DTNBP1: variants seen among roughly 807,000 people sequenced by gnomAD.
DTNBP1 encodes dysbindin.
DTNBP1 carries 35 observed loss-of-function variants against 42.8 expected under a neutral mutation model. That is an observed-to-expected ratio of 0.82 (90% CI 0.63 to 1.09). The LOEUF (loss-of-function observed/expected upper bound fraction) is 1.09. DTNBP1 is among the 50% of genes least tolerant of loss of function. DTNBP1 has a pLI of 0.00. For synonymous variants in DTNBP1, 171 were observed against 162.2 expected (o/e 1.05, Z -0.41); for missense variants, 457 against 424.2 (o/e 1.08, Z -0.68).
chr6:15,564,850 C>T (rs1346335690), intron 7 of DTNBP1, among the ~76,000 whole-genome samples: 1 of 152,218 alleles, frequency 6.6e-6, no homozygotes, highest in African/African-American at 2.4e-5. Flanking sequence ...CAAAGTGGCT[C>T]ATGCCTGTAA....
intron 7 of DTNBP1, among the ~76,000 whole-genome samples, chr6:15,535,890 G>A (rs1265772151): frequency 6.6e-6 from 1 of 152,186 alleles, no homozygotes; most frequent in South Asian, 2.1e-4. Flanking sequence ...AGATGGAGAT[G>A]AGGAACTTAT....
chr6:15,593,179 T>C, intron 6 of DTNBP1, 98 bp from the exon 7 acceptor site: 1 of 1,106,454 alleles, frequency 9.0e-7, no homozygotes, highest in Non-Finnish European at 1.3e-6. Flanking sequence ...GTACTTTAAA[T>C]GCCCACAGTG....
intron 7 of DTNBP1, among the ~76,000 whole-genome samples, chr6:15,577,858 G>C (rs929103959): frequency 6.6e-6 from 1 of 152,210 alleles, no homozygotes; most frequent in African/African-American, 2.4e-5. Flanking sequence ...GGAAGGTAAA[G>C]AGCTTGGACT....
At chr6:15,525,553 A>G (rs185233663) in intron 8 of DTNBP1, among the ~76,000 whole-genome samples, 13 of 152,362 alleles carry the variant, frequency 8.5e-5, no homozygotes, top group African/African-American at 2.4e-4. Context: ...GGCTGTTCAT[A>G]CACCACAGTC....
At chr6:15,608,771 G>C (rs138313311) in intron 6 of DTNBP1, among the ~76,000 whole-genome samples, 1 of 152,034 alleles carries the variant, frequency 6.6e-6, no homozygotes, top group Non-Finnish European at 1.5e-5. Context: ...TTCTACTTTC[G>C]GCATTGTTGC....
At chr6:15,535,438 TC>T (rs1409858241) in intron 7 of DTNBP1, among the ~76,000 whole-genome samples, 6 of 151,604 alleles carry the variant, frequency 4.0e-5, no homozygotes, top group Admixed American at 6.6e-5. Flanking sequence ...TGCCTCAGCC[TC>T]CCAAGTAGCT....
At chr6:15,610,102 T>C (rs1367744824) in intron 6 of DTNBP1, among the ~76,000 whole-genome samples, 1 of 152,174 alleles carries the variant, frequency 6.6e-6, no homozygotes, top group African/African-American at 2.4e-5. Context: ...TAGAGTCAAG[T>C]CTGGAGCCCC....
chr6:15,601,493 G>T (rs1420195350), intron 6 of DTNBP1, among the ~76,000 whole-genome samples: 1 of 152,110 alleles, frequency 6.6e-6, no homozygotes, highest in African/African-American at 2.4e-5. Flanking sequence ...AAATCTACCT[G>T]AATTAATCCT....
intron 6 of DTNBP1, among the ~76,000 whole-genome samples, chr6:15,598,635 G>A (rs1158803593): frequency 1.4e-5 from 2 of 140,700 alleles, no homozygotes; most frequent in Non-Finnish European, 3.0e-5. Context: ...ACAAGTCAGA[G>A]GTCTGTTGTT....
intron 5 of DTNBP1, among the ~76,000 whole-genome samples, chr6:15,618,670 C>T (rs1758860830): frequency 6.6e-6 from 1 of 152,030 alleles, no homozygotes; most frequent in African/African-American, 2.4e-5. Flanking sequence ...TATGGAAGTT[C>T]CTTAAAAATT....
chr6:15,533,174 G>A (rs1425569602), intron 8 of DTNBP1, 66 bp downstream of exon 8: 7 of 1,603,730 alleles, frequency 4.4e-6, no homozygotes, highest in Non-Finnish European at 5.9e-6. Context: ...GCTCTGGGGA[G>A]AGGGGTCCAT....
chr6:15,548,032 T>A (rs1381971901), intron 7 of DTNBP1, among the ~76,000 whole-genome samples: 1 of 152,214 alleles, frequency 6.6e-6, no homozygotes, highest in East Asian at 1.9e-4. Flanking sequence ...GCTGAAGAGA[T>A]GCAAAATCAA....
chr6:15,651,294 C>T lies in DTNBP1; in HGVS notation c.161+19G>A, dbSNP rs1048694811. On this transcript the variant is annotated intron_variant, in intron 3 of 9. Transcript: ENST00000344537. ...AAAAAGTCAGAAGTATAACCTTCCT[C>T]TACAAATGAAACACTTACCTGCTAA... The T allele has an allele frequency of 1.9e-6, 3 of 1,609,814 alleles. No homozygotes were observed. Among genetic ancestry groups the T allele is most frequent in the Non-Finnish European group, 2.5e-6 (3 of 1,178,078 alleles).
chr6:15,573,648 A>AG (rs1299034066), intron 7 of DTNBP1, among the ~76,000 whole-genome samples: 1 of 149,320 alleles, frequency 6.7e-6, no homozygotes, highest in East Asian at 2.0e-4. Flanking sequence ...GTCTCAGAAG[A>AG]AAAAAAAAAC....
chr6:15,605,787 C>T (rs577128353), intron 6 of DTNBP1, among the ~76,000 whole-genome samples: 2 of 152,256 alleles, frequency 1.3e-5, no homozygotes, highest in South Asian at 4.1e-4. Context: ...ATGAATTAGA[C>T]TCGTATGGCT....
chr6:15,563,428 A>G (rs1195546643), intron 7 of DTNBP1, among the ~76,000 whole-genome samples: 3 of 152,366 alleles, frequency 2.0e-5, no homozygotes, highest in East Asian at 1.9e-4. Flanking sequence ...AATTCTGGAC[A>G]TAAACATAGT....
chr6:15,645,327 C>A (rs1407171163), intron 3 of DTNBP1, among the ~76,000 whole-genome samples: 2 of 151,962 alleles, frequency 1.3e-5, no homozygotes, highest in Non-Finnish European at 2.9e-5. Flanking sequence ...AAGCCCTAGA[C>A]CAGATGGATT....
intron 3 of DTNBP1, among the ~76,000 whole-genome samples, chr6:15,648,147 G>A (rs942207260): frequency 2.0e-5 from 3 of 151,868 alleles, no homozygotes; most frequent in Non-Finnish European, 4.4e-5. Flanking sequence ...TTGGTAGAAC[G>A]AAAGGAAAAA....
intron 5 of DTNBP1, among the ~76,000 whole-genome samples, chr6:15,621,802 G>A (rs1048540496): frequency 5.9e-5 from 9 of 152,122 alleles, no homozygotes; most frequent in Admixed American, 1.3e-4. Context: ...AGTACTGAGC[G>A]TTGGTGCCTC....
Sources: gnomAD v4.1 joint callset for allele counts (sites outside exome capture counted in the v4.1 genomes callset) on GRCh38, gnomAD v4.1.1 for gene constraint, MANE v1.5 for transcripts, NCBI Gene and HGNC (gene_info 2026-07-23, HGNC 2026-07-21) for gene names.